The following B3GNT3 variants were observed in gnomAD, a reference collection of about 807,000 sequenced individuals.
The protein encoded by B3GNT3 is N-acetyllactosaminide beta-1,3-N-acetylglucosaminyltransferase 3.
Under a neutral mutation model 11.6 loss-of-function variants are expected in B3GNT3, and 7 were observed. That is an observed-to-expected ratio of 0.60 (90% CI 0.34 to 1.13). The LOEUF (loss-of-function observed/expected upper bound fraction) is 1.13, where lower values mean the gene tolerates loss of function less well. B3GNT3 is among the 50% of genes most tolerant of loss of function. The pLI is 0.03. For missense variants in B3GNT3, 400 were observed against 507.4 expected (o/e 0.79, Z 2.03); for synonymous variants, 201 against 222.1 (o/e 0.90, Z 0.85).
intron 1 of B3GNT3, among the ~76,000 whole-genome samples, chr19:17,807,407 G>T (rs760638023): frequency 6.6e-6 from 1 of 151,088 alleles, no homozygotes; most frequent in South Asian, 2.1e-4. Context: ...CAGGAGGATC[G>T]CTTGAACCCA....
In B3GNT3 at chr19:17,813,205, C is replaced by T. The variant is rs2094183495; in HGVS notation, c.*1083C>T. ...AAAAACGGGGCATGGGGCCGTGGCTCAGGGCTGTAATTCTAGCACATTGGG... is the reference window on the plus strand; with the variant it reads ...AAAAACGGGGCATGGGGCCGTGGCTTAGGGCTGTAATTCTAGCACATTGGG... On this transcript the variant is annotated 3_prime_UTR_variant, in exon 3 of 3. Coordinates refer to ENST00000318683, the MANE Select transcript of B3GNT3 (RefSeq NM_014256.4). 1 of 151,920 alleles carries T rather than the reference C, an allele frequency of 6.6e-6. No homozygotes were observed. The highest frequency in any genetic ancestry group is 6.6e-5 in the Admixed American group (1 of 15,220). 9.4% of individuals were successfully genotyped at this position (151,920 alleles called of 1,614,324 possible). A position where few individuals can be genotyped will look rare whatever the true frequency, so the allele number is the denominator to read the frequency against.
At chr19:17,801,157 C>T (rs1027360006) in intron 1 of B3GNT3, among the ~76,000 whole-genome samples, 1 of 151,962 alleles carries the variant, frequency 6.6e-6, no homozygotes, top group Non-Finnish European at 1.5e-5. Context: ...TGTTAATGTT[C>T]AGTACTTCAC....
At chr19:17,799,674 C>G (rs36690) in intron 1 of B3GNT3, among the ~76,000 whole-genome samples, 2 of 151,756 alleles carry the variant, frequency 1.3e-5, no homozygotes, top group Non-Finnish European at 2.9e-5. Context: ...CCTTCCTCAA[C>G]GGCTGTCGGG....
intron 1 of B3GNT3, among the ~76,000 whole-genome samples, chr19:17,806,660 G>A (rs770347447): frequency 6.6e-6 from 1 of 152,126 alleles, no homozygotes; most frequent in Non-Finnish European, 1.5e-5. Flanking sequence ...ACCCATCAAA[G>A]TTCTGGGTTC....
chr19:17,801,839 A>G (rs1487693937), intron 1 of B3GNT3, among the ~76,000 whole-genome samples: 1 of 152,102 alleles, frequency 6.6e-6, no homozygotes, highest in East Asian at 1.9e-4. Context: ...TGTAATCCCA[A>G]CACTTTGGGA....
intron 1 of B3GNT3, 168 bp from the exon 2 acceptor site, chr19:17,807,590 G>T (rs1209768707): frequency 1.9e-6 from 1 of 513,670 alleles, no homozygotes; most frequent in Non-Finnish European, 3.4e-6. Context: ...AGCCAACAGG[G>T]GTTGGAGTGC....
At chr19:17,807,429 C>G (rs1253925567) in intron 1 of B3GNT3, among the ~76,000 whole-genome samples, 1 of 150,276 alleles carries the variant, frequency 6.7e-6, no homozygotes, top group African/African-American at 2.5e-5. Context: ...GAGGTGGAGG[C>G]TGCAGTAAGC....
In B3GNT3 at chr19:17,807,111, A is replaced by AGTGTGTGTGTGTGTGTGTGTGTGT. The variant is rs56140662; in HGVS notation, c.-50-636_-50-613dup. Among the ~76,000 whole-genome samples, 1,026 of 116,256 alleles carry AGTGTGTGTGTGTGTGTGTGTGTGT rather than the reference A, an allele frequency of 8.8e-3. 39 individuals are homozygous for AGTGTGTGTGTGTGTGTGTGTGTGT. The highest frequency in any genetic ancestry group is 0.011 in the Non-Finnish European group (634 of 56,766). The allele number at this position is 116,256 out of a possible 152,430, so 76.3% of individuals were successfully genotyped here. A position where few individuals can be genotyped will look rare whatever the true frequency, so the allele number is the denominator to read the frequency against. ...TTTGCAGTCAGGGAGCAGTGGCCCC[A>AGTGTGTGTGTGTGTGTGTGTGTGT]GTGTGTGTGTGTGTGTGTGTGTGTG... On this transcript the variant is annotated intron_variant, in intron 1 of 2. Coordinates refer to ENST00000318683, the MANE Select transcript of B3GNT3 (RefSeq NM_014256.4).
At chr19:17,794,892 G>C (rs917191388), upstream of B3GNT3, 2 of 152,418 alleles carry the variant, frequency 1.3e-5, no homozygotes, top group African/African-American at 4.8e-5. Context: ...AGGTGGGGTC[G>C]TGAGCCCCGA....
Position 17,811,642 on chromosome 19 carries a change from C to A in B3GNT3, c.639C>A (p.Val213=). ...ASFVLNGDDD[V]FAHTDNMVFY... is the part of the protein sequence containing the mutation. ...TCGTGCTCAACGGGGATGATGACGTCTTTGCACACACAGACAACATGGTCT... is the reference window on the plus strand; with the variant it reads ...TCGTGCTCAACGGGGATGATGACGTATTTGCACACACAGACAACATGGTCT... The change falls in exon 3 of 3, where the codon GTC becomes GTA. Residue 213 remains valine (V), a synonymous_variant. Coordinates refer to ENST00000318683, the MANE Select transcript of B3GNT3 (RefSeq NM_014256.4). This position sits in a 1 kb window ranked among gnomAD's most constrained non-coding sequence, Gnocchi z 4.1. The A allele has an allele frequency of 6.2e-7, 1 of 1,614,230 alleles. No individual in the cohort carries two copies. The highest frequency in any genetic ancestry group is 8.5e-7 in the Non-Finnish European group (1 of 1,180,034).
At chr19:17,808,583 A>C (rs2094176807) in intron 2 of B3GNT3, among the ~76,000 whole-genome samples, 1 of 152,174 alleles carries the variant, frequency 6.6e-6, no homozygotes, top group African/African-American at 2.4e-5. Context: ...CTAGGTTACT[A>C]GCACAGAGCT....
At chr19:17,801,756 C>CTATA (rs2094166472) in intron 1 of B3GNT3, among the ~76,000 whole-genome samples, 1 of 151,782 alleles carries the variant, frequency 6.6e-6, no homozygotes, top group African/African-American at 2.4e-5. Flanking sequence ...GTAGCTGGGA[C>CTATA]TATAGGCACT....
intron 1 of B3GNT3, among the ~76,000 whole-genome samples, chr19:17,801,069 A>G (rs1445442775): frequency 6.6e-6 from 1 of 151,980 alleles, no homozygotes; most frequent in Non-Finnish European, 1.5e-5. Context: ...TTTGGGCACA[A>G]CTTGCAACTT....
At chr19:17,809,852 G>A (rs982379409) in intron 2 of B3GNT3, among the ~76,000 whole-genome samples, 3 of 152,136 alleles carry the variant, frequency 2.0e-5, no homozygotes, top group East Asian at 1.9e-4. Context: ...CTAGGTCCTC[G>A]AGTAGAGCAA....
rs2094180281 is a variant in B3GNT3, at chr19:17,811,215, G to A, written c.568-356G>A. Among the ~76,000 whole-genome samples, 1 of 152,132 alleles carries A rather than the reference G, an allele frequency of 6.6e-6. No homozygotes were observed. The highest frequency in any genetic ancestry group is 1.5e-5 in the Non-Finnish European group (1 of 68,028). ...GGCAATAGAGCAAGACCCTGTCTCA[G>A]AAACAAACAAAATTCATACAAATGA... On this transcript the variant is annotated intron_variant, in intron 2 of 2. Transcript: ENST00000318683. This position sits in a 1 kb window ranked among gnomAD's most constrained non-coding sequence, Gnocchi z 4.1.
chr19:17,809,568 TC>T (rs2094177990), intron 2 of B3GNT3, among the ~76,000 whole-genome samples: 1 of 151,646 alleles, frequency 6.6e-6, no homozygotes, highest in African/African-American at 2.4e-5. Context: ...TGCCTCAGCC[TC>T]CTGAGTAGCT....
chr19:17,808,495 C>A, intron 2 of B3GNT3, 121 bp downstream of exon 2: 1 of 1,039,776 alleles, frequency 9.6e-7, no homozygotes, highest in Non-Finnish European at 1.4e-6. Context: ...CCATTCTGCC[C>A]CTCTGCTGTC....
intron 1 of B3GNT3, 146 bp from the exon 2 acceptor site, chr19:17,807,612 T>G (rs1247547364): frequency 7.1e-6 from 4 of 562,132 alleles, no homozygotes; most frequent in African/African-American, 1.9e-5. Flanking sequence ...TTGAAATGGG[T>G]CTTGCAAGGG....
At chr19:17,810,494 A>G (rs1326271211) in intron 2 of B3GNT3, among the ~76,000 whole-genome samples, 3 of 152,178 alleles carry the variant, frequency 2.0e-5, no homozygotes, top group Non-Finnish European at 4.4e-5. Context: ...AAGCACTGGC[A>G]CTATGCTGGG....
Sources: gnomAD v4.1 joint callset for allele counts (sites outside exome capture counted in the v4.1 genomes callset) on GRCh38, gnomAD v4.1.1 for gene constraint, Gnocchi (gnomAD v3.1) non-coding constraint, MANE v1.5 for transcripts, NCBI Gene and HGNC (gene_info 2026-07-23, HGNC 2026-07-21) for gene names.